Variants in SNAP91 observed in about 807,000 individuals in gnomAD.
The protein encoded by SNAP91 is synaptosome associated protein 91, also known as clathrin coat assembly protein AP180.
Under a neutral mutation model 100.3 loss-of-function variants are expected in SNAP91, and 27 were observed. The observed-to-expected ratio is 0.27, with a 90% confidence interval of 0.20 to 0.37. The LOEUF is 0.37. Ranked by LOEUF, SNAP91 falls within the 10% of genes least tolerant of loss-of-function variation. SNAP91 has a pLI of 1.00. For missense variants in SNAP91, 986 were observed against 1,123.7 expected, an observed-to-expected ratio of 0.88 and a Z score of 1.75; for synonymous variants, 404 against 398.6, an observed-to-expected ratio of 1.01 and a Z score of -0.16.
rs996455432 is a variant in SNAP91 at position 83,697,055 on chromosome 6, A to T, written c.130+10743T>A. ...TTCTTTACAAAGGCAAAAGAACCCT[A>T]AGTTTTAGGTTAATCTTGCCCCCTT... On this transcript the variant is annotated intron_variant, in intron 2 of 29. Coordinates refer to ENST00000369694, the MANE Select transcript of SNAP91 (RefSeq NM_001242792.2). Among the ~76,000 whole-genome samples, 5 of 152,128 alleles carry T rather than the reference A, an allele frequency of 3.3e-5. 1 individual carries two copies. The highest frequency in any genetic ancestry group is 2.9e-5 in the Non-Finnish European group (2 of 68,010).
chr6:83,677,403 A>G (rs2128884443), intron 2 of SNAP91, among the ~76,000 whole-genome samples: 1 of 152,302 alleles, frequency 6.6e-6, no homozygotes. Context: ...GATAATGACC[A>G]TGAATGTAAC....
chr6:83,646,839 T>A (rs2097938420), intron 7 of SNAP91, among the ~76,000 whole-genome samples: 1 of 152,168 alleles, frequency 6.6e-6, no homozygotes, highest in African/African-American at 2.4e-5. Flanking sequence ...CATCTCTCCA[T>A]TTATTAGTTG....
chr6:83,561,739 C>T (rs903279476), intron 26 of SNAP91, among the ~76,000 whole-genome samples: 5 of 152,168 alleles, frequency 3.3e-5, no homozygotes, highest in Non-Finnish European at 7.3e-5. Flanking sequence ...GATGTGGTGG[C>T]TCATGCCTGT....
At chr6:83,588,868 T>G (rs1233542139) in intron 22 of SNAP91, among the ~76,000 whole-genome samples, 1 of 152,118 alleles carries the variant, frequency 6.6e-6, no homozygotes. Context: ...TGTGGCTGTG[T>G]AGCACTGGAG....
At chr6:83,695,245 C>T (rs2099185570) in intron 2 of SNAP91, among the ~76,000 whole-genome samples, 1 of 130,056 alleles carries the variant, frequency 7.7e-6, no homozygotes, top group Non-Finnish European at 1.5e-5. Flanking sequence ...CCACTGCACT[C>T]CAGCCTGGGT....
chr6:83,675,701 G>T (rs180879242), intron 2 of SNAP91, among the ~76,000 whole-genome samples: 1 of 152,096 alleles, frequency 6.6e-6, no homozygotes, highest in African/African-American at 2.4e-5. Context: ...GAGCAAAGTT[G>T]CCTCTCTTAA....
At chr6:83,691,602 T>C (rs537956597) in intron 2 of SNAP91, among the ~76,000 whole-genome samples, 16 of 152,302 alleles carry the variant, frequency 1.1e-4, no homozygotes, top group African/African-American at 3.8e-4. Context: ...AGTGTCTCCT[T>C]GTTGGCATTT....
intron 7 of SNAP91, among the ~76,000 whole-genome samples, chr6:83,643,498 G>T (rs1377301639): frequency 6.6e-6 from 1 of 152,142 alleles, no homozygotes; most frequent in Non-Finnish European, 1.5e-5. Flanking sequence ...TCAGATAGTT[G>T]TAGATGTGTG....
intron 9 of SNAP91, among the ~76,000 whole-genome samples, chr6:83,622,086 C>T (rs1334966082): frequency 6.6e-6 from 1 of 151,884 alleles, no homozygotes; most frequent in Admixed American, 6.6e-5. Context: ...TGGCCATATC[C>T]AAAATGATAC....
chr6:83,574,102 A>T (rs1190893548), intron 26 of SNAP91, among the ~76,000 whole-genome samples: 2 of 152,198 alleles, frequency 1.3e-5, no homozygotes, highest in East Asian at 1.9e-4. Context: ...ATGAATGATG[A>T]TTAAGAATTA....
intron 2 of SNAP91, among the ~76,000 whole-genome samples, chr6:83,678,414 G>C (rs920930711): frequency 6.6e-6 from 1 of 151,884 alleles, no homozygotes; most frequent in Non-Finnish European, 1.5e-5. Context: ...AATACTTCCT[G>C]GTAGAGTGCT....
At chr6:83,560,235 C>T in intron 27 of SNAP91, 27 bp from the exon 28 acceptor site, 2 of 1,567,066 alleles carry the variant, frequency 1.3e-6, no homozygotes, top group Non-Finnish European at 8.8e-7. Context: ...GAGAGTGGTT[C>T]AGAGCATGAG....
intron 12 of SNAP91, among the ~76,000 whole-genome samples, chr6:83,608,713 TGAG>T (rs1334541388): frequency 2.0e-5 from 3 of 150,566 alleles, no homozygotes; most frequent in East Asian, 3.9e-4. Context: ...AAAAAAAAAC[TGAG>T]GAGATCAGAA....
At chr6:83,673,730 TCCCTCTTCTTTG>T (rs1334356714) in intron 2 of SNAP91, among the ~76,000 whole-genome samples, 1 of 152,186 alleles carries the variant, frequency 6.6e-6, no homozygotes, top group Admixed American at 6.5e-5. Context: ...AGCTATTCCT[TCCCTCTTCTTTG>T]CCAGCAGAAT....
chr6:83,614,665 C>T (rs556010614), intron 11 of SNAP91, among the ~76,000 whole-genome samples, 192 bp downstream of exon 11: 18 of 151,722 alleles, frequency 1.2e-4, no homozygotes, highest in South Asian at 6.2e-4. Flanking sequence ...CCAAGAAGAC[C>T]GAAAGAAAGT....
chr6:83,570,181 G>T (rs1804325699), intron 26 of SNAP91, among the ~76,000 whole-genome samples: 1 of 152,056 alleles, frequency 6.6e-6, no homozygotes, highest in African/African-American at 2.4e-5. Context: ...TTATGTTTTA[G>T]CAGAAAGACT....
chr6:83,670,262 T>C (rs960927034), intron 2 of SNAP91, among the ~76,000 whole-genome samples: 3 of 150,504 alleles, frequency 2.0e-5, no homozygotes, highest in Admixed American at 2.0e-4. Flanking sequence ...TTTTTTTCTA[T>C]TATAACAGGT....
chr6:83,704,407 G>C lies in SNAP91; in HGVS notation c.130+3391C>G, dbSNP rs1251201196. Among the ~76,000 whole-genome samples the C allele has an allele frequency of 2.0e-5, 3 of 151,970 alleles. No individual in the cohort carries two copies. The East Asian group carries it at 5.8e-4, about 29-fold the overall frequency. On this transcript the variant is annotated intron_variant, in intron 2 of 29. Coordinates refer to ENST00000369694, the MANE Select transcript of SNAP91 (RefSeq NM_001242792.2). ...TATATAATCCTTACTTAGATTATTA[G>C]GTGCTGTCACTGAAAAAAGAAAAAA...
chr6:83,695,276 C>CAAAAAAAAAAAAAAAAAA (rs56103542), intron 2 of SNAP91, among the ~76,000 whole-genome samples: 5 of 67,318 alleles, frequency 7.4e-5, no homozygotes, highest in African/African-American at 1.3e-4. Flanking sequence ...GGCTCCATCT[C>CAAAAAAAAAAAAAAAAAA]AAAAAAAAAA....
Sources: allele counts gnomAD v4.1 joint callset (sites outside exome capture counted in the v4.1 genomes callset), GRCh38; gene constraint gnomAD v4.1.1; transcripts MANE v1.5; gene names NCBI Gene and HGNC (gene_info 2026-07-23, HGNC 2026-07-21).